MGAT4C: variants seen among roughly 807,000 people sequenced by gnomAD.
MGAT4C encodes the protein MGAT4 family member C, also known as alpha-1,3-mannosyl-glycoprotein 4-beta-N-acetylglucosaminyltransferase C.
Under a neutral mutation model 40.1 loss-of-function variants are expected in MGAT4C, and 19 were observed. The observed-to-expected ratio is 0.47, with a 90% CI of 0.33 to 0.70. The LOEUF (loss-of-function observed/expected upper bound fraction) is 0.70. Among genes scored for constraint, MGAT4C ranks in the 30% least tolerant of loss-of-function variants. The pLI is 0.02. For missense variants in MGAT4C, 491 were observed against 563.2 expected (o/e 0.87, Z 1.30); for synonymous variants, 181 against 187.1 (o/e 0.97, Z 0.27).
intron 1 of MGAT4C, among the ~76,000 whole-genome samples, chr12:86,254,594 A>G (rs1952438538): frequency 1.3e-5 from 2 of 152,210 alleles, no homozygotes; most frequent in South Asian, 2.1e-4. Context: ...CAACTTCACT[A>G]TAGAGTACTT....
chr12:86,512,810 T>C (rs1439656427), intron 2 of MGAT4C, among the ~76,000 whole-genome samples: 1 of 152,074 alleles, frequency 6.6e-6, no homozygotes, highest in Non-Finnish European at 1.5e-5. Context: ...GTTCAATGGA[T>C]AGAAAGTTTC....
intron 1 of MGAT4C, among the ~76,000 whole-genome samples, chr12:86,133,722 G>A (rs1881560254): frequency 6.6e-6 from 1 of 152,044 alleles, no homozygotes; most frequent in Non-Finnish European, 1.5e-5. Flanking sequence ...ACAGTTTGAT[G>A]CTTAATAAAT....
intron 2 of MGAT4C, among the ~76,000 whole-genome samples, chr12:85,992,453 C>A (rs1240400616): frequency 6.6e-6 from 1 of 152,226 alleles, no homozygotes; most frequent in African/African-American, 2.4e-5. Context: ...GGTGTTGGCA[C>A]TTGGACCTCC....
chr12:86,071,080 A>G (rs1191716061), intron 1 of MGAT4C, among the ~76,000 whole-genome samples: 1 of 152,106 alleles, frequency 6.6e-6, no homozygotes, highest in African/African-American at 2.4e-5. Flanking sequence ...GAGGTAGGCA[A>G]TGGACAATAT....
chr12:86,116,465 A>T (rs1440000372), intron 1 of MGAT4C, among the ~76,000 whole-genome samples: 1 of 152,072 alleles, frequency 6.6e-6, no homozygotes, highest in African/African-American at 2.4e-5. Flanking sequence ...ATGTTAGATT[A>T]GATGTCAAAT....
At chr12:86,640,704 A>G (rs1161988308) in intron 2 of MGAT4C, among the ~76,000 whole-genome samples, 15 of 151,582 alleles carry the variant, frequency 9.9e-5, no homozygotes, top group Admixed American at 4.0e-4. Context: ...TAGGGTGTCA[A>G]TTTTGGATCT....
At chr12:86,775,799 C>A (rs1951738008) in intron 1 of MGAT4C, among the ~76,000 whole-genome samples, 1 of 151,310 alleles carries the variant, frequency 6.6e-6, no homozygotes, top group Admixed American at 6.6e-5. Context: ...TCACTTATTT[C>A]TATTTTTCTA....
intron 2 of MGAT4C, among the ~76,000 whole-genome samples, chr12:86,009,593 C>T (rs1888253626): frequency 6.6e-6 from 1 of 152,152 alleles, no homozygotes; most frequent in Non-Finnish European, 1.5e-5. Flanking sequence ...CACCCCATCC[C>T]CCCAATCAGG....
chr12:86,816,463 A>AT (rs1593234972), intron 1 of MGAT4C, among the ~76,000 whole-genome samples: 1 of 151,874 alleles, frequency 6.6e-6, no homozygotes, highest in East Asian at 1.9e-4. Context: ...TTTTAAAAAA[A>AT]TTTTTAATCT....
At position 86,488,306 on chromosome 12, in the gene MGAT4C, G is replaced by T. The variant is rs552380053; in HGVS notation, c.-228-53041C>A. On this transcript the variant is annotated intron_variant, in intron 2 of 7. Transcript: ENST00000548651. The stretch of plus-strand genomic sequence containing the variant: ...CTGGGCATGGTGGCACATGCCTATA[G>T]TTCCAGCTACTCCAGGAGGCTGAGG... Among the ~76,000 whole-genome samples the T allele has an allele frequency of 2.0e-5, 3 of 151,090 alleles. No homozygotes were observed. The East Asian group carries it at 5.9e-4, about 29-fold the overall frequency.
intron 2 of MGAT4C, among the ~76,000 whole-genome samples, chr12:86,627,765 G>C (rs1962869582): frequency 6.6e-6 from 1 of 152,152 alleles, no homozygotes; most frequent in South Asian, 2.1e-4. Flanking sequence ...ACCAAAGGTA[G>C]ATAAAACCAC....
At chr12:86,240,029 A>T (rs987780647) in intron 1 of MGAT4C, among the ~76,000 whole-genome samples, 10 of 67,710 alleles carry the variant, frequency 1.5e-4, no homozygotes, top group Non-Finnish European at 3.7e-4. Context: ...AGTATAATAA[A>T]AAAAAAAAAT....
At chr12:85,997,993 G>A (rs1886822995) in intron 2 of MGAT4C, among the ~76,000 whole-genome samples, 1 of 152,196 alleles carries the variant, frequency 6.6e-6, no homozygotes, top group African/African-American at 2.4e-5. Flanking sequence ...CTCTATGAGG[G>A]CCCTGCCCCT....
At chr12:86,391,718 G>T (rs569079791) in intron 3 of MGAT4C, among the ~76,000 whole-genome samples, 109 of 152,190 alleles carry the variant, frequency 7.2e-4, no homozygotes, top group African/African-American at 2.6e-3. Context: ...AAATTAGCTG[G>T]GCATGGTGGC....
chr12:86,641,513 G>C (rs191375918), intron 2 of MGAT4C, among the ~76,000 whole-genome samples: 154 of 151,410 alleles, frequency 1.0e-3, no homozygotes, highest in African/African-American at 3.7e-3. Context: ...AAAACTTAAA[G>C]TATAATAATA....
intron 3 of MGAT4C, among the ~76,000 whole-genome samples, chr12:86,368,501 T>G (rs1316275760): frequency 6.6e-6 from 1 of 152,088 alleles, no homozygotes; most frequent in African/African-American, 2.4e-5. Context: ...TGAGGTCTTT[T>G]GTCTTTTTTT....
chr12:86,054,679 CATTT>C (rs1166812753), intron 1 of MGAT4C, among the ~76,000 whole-genome samples: 6 of 151,646 alleles, frequency 4.0e-5, no homozygotes, highest in Admixed American at 2.0e-4. Context: ...ATATATCCAT[CATTT>C]ATTTATCAAT....
intron 1 of MGAT4C, among the ~76,000 whole-genome samples, chr12:86,140,213 A>G (rs1387352660): frequency 1.3e-5 from 2 of 152,182 alleles, no homozygotes; most frequent in Non-Finnish European, 2.9e-5. Context: ...ACAGCAAGGA[A>G]GCTTTTCTGG....
intron 1 of MGAT4C, among the ~76,000 whole-genome samples, chr12:86,153,919 AT>A (rs1315516647): frequency 2.6e-5 from 4 of 152,148 alleles, no homozygotes; most frequent in African/African-American, 2.4e-5. Flanking sequence ...TATTGTGAGC[AT>A]TTTTTTCTTT....
Sources: allele counts gnomAD v4.1 joint callset (sites outside exome capture counted in the v4.1 genomes callset), GRCh38; gene constraint gnomAD v4.1.1; transcripts MANE v1.5; gene names NCBI Gene and HGNC (gene_info 2026-07-23, HGNC 2026-07-21).